SLC14A2: variants seen among roughly 807,000 people sequenced by gnomAD.
SLC14A2 encodes urea transporter 2.
In SLC14A2, 91 loss-of-function variants were observed where a neutral mutation model predicts 104.6. The ratio of observed to expected loss-of-function variants is 0.87; its 90% CI spans 0.73 to 1.04. SLC14A2 has a LOEUF of 1.04. Among genes scored for constraint, SLC14A2 ranks in the 50% least tolerant of loss-of-function variants. The probability of loss-of-function intolerance (pLI) is 0.00; values close to 1 mark genes in which losing one functional copy is unlikely to be tolerated. For missense variants in SLC14A2, 1,189 were observed against 1,156.0 expected, an observed-to-expected ratio of 1.03 and a Z score of -0.41; for synonymous variants, 476 against 466.4, an observed-to-expected ratio of 1.02 and a Z score of -0.27.
intron 2 of SLC14A2, among the ~76,000 whole-genome samples, chr18:45,531,632 T>C (rs1361460695): frequency 2.0e-5 from 3 of 152,224 alleles, no homozygotes; most frequent in African/African-American, 7.2e-5. Flanking sequence ...TGCAAACATT[T>C]TCTCCCATTC....
Position 45,667,240 on chromosome 18 carries a change from G to A in SLC14A2, c.1717+146G>A, listed in dbSNP as rs1226518717. On this transcript the variant is annotated intron_variant, in intron 13 of 19. Transcript: ENST00000255226. ...TACTGTGGTCTTTCCTGGAAGCTGG[G>A]AGTTTTGCTGTTAAAACAGACATAC... is the stretch of plus-strand genomic sequence containing the variant. 9.7e-6 allele frequency: 6 copies of A among 617,640 alleles called. No individual in the cohort carries two copies. In the South Asian group the frequency reaches 9.8e-5, roughly 10 times the overall value. 38.3% of individuals were successfully genotyped at this position (617,640 alleles called of 1,614,324 possible). A position where few individuals can be genotyped will look rare whatever the true frequency, so the allele number is the denominator to read the frequency against.
chr18:45,401,141 T>C (rs1171463418), intron 1 of SLC14A2, among the ~76,000 whole-genome samples: 2 of 152,206 alleles, frequency 1.3e-5, no homozygotes, highest in African/African-American at 4.8e-5. Flanking sequence ...CTGTTAGGTC[T>C]TCATTAAAAT....
At chr18:45,411,138 A>C (rs1436793753) in intron 1 of SLC14A2, among the ~76,000 whole-genome samples, 2 of 152,246 alleles carry the variant, frequency 1.3e-5, no homozygotes, top group African/African-American at 4.8e-5. Context: ...TCACTAATTC[A>C]GTGTTTGCAG....
At chr18:45,220,458 G>T (rs1385607426) in intron 1 of SLC14A2, among the ~76,000 whole-genome samples, 1 of 152,202 alleles carries the variant, frequency 6.6e-6, no homozygotes, top group African/African-American at 2.4e-5. Flanking sequence ...AACAAAAAAT[G>T]TTGGGCAGCC....
the SLC14A2 span, among the ~76,000 whole-genome samples, chr18:45,198,216 A>G: frequency 3.9e-5 from 6 of 152,300 alleles, no homozygotes; most frequent in East Asian, 1.2e-3. Context: ...GTATGCAAGG[A>G]AAAGTTTAAT....
chr18:45,365,673 C>T (rs1486197687), intron 1 of SLC14A2, among the ~76,000 whole-genome samples: 3 of 152,168 alleles, frequency 2.0e-5, no homozygotes, highest in Non-Finnish European at 2.9e-5. Context: ...GTGCTCTTCC[C>T]CTATGTCACT....
intron 2 of SLC14A2, among the ~76,000 whole-genome samples, chr18:45,548,071 C>G (rs978692717): frequency 6.6e-6 from 1 of 152,094 alleles, no homozygotes; most frequent in African/African-American, 2.4e-5. Context: ...TTTCTGATGT[C>G]GGGAAACTCA....
chr18:45,359,316 C>G (rs954699028), intron 1 of SLC14A2, among the ~76,000 whole-genome samples: 1 of 152,048 alleles, frequency 6.6e-6, no homozygotes, highest in Non-Finnish European at 1.5e-5. Flanking sequence ...GGGAAGCAGG[C>G]CCCCCCGTCT....
rs56713447 is a variant in SLC14A2, at chr18:45,504,020, A to G, written c.-35+20698A>G. ...ATTTCTCTCTGATCTTGCTCTTGCT[A>G]TGGCTAAAGTGCACTCACAAGGGTG... On this transcript the variant is annotated intron_variant, in intron 2 of 20. Coordinates refer to the SLC14A2 transcript ENST00000586448. Among the ~76,000 whole-genome samples, 166 of 152,254 alleles carry G rather than the reference A, an allele frequency of 1.1e-3. 3 individuals are homozygous for G. In the East Asian group the frequency reaches 0.03, roughly 27 times the overall value.
chr18:45,625,536 T>C, intron 2 of SLC14A2, 147 bp from the exon 3 acceptor site: 2 of 564,256 alleles, frequency 3.5e-6, no homozygotes, highest in South Asian at 6.0e-5. Context: ...GGGCACTCTA[T>C]GCAGCCGCAG....
intron 2 of SLC14A2, among the ~76,000 whole-genome samples, chr18:45,510,736 A>G (rs1049759513): frequency 1.3e-5 from 2 of 151,334 alleles, no homozygotes; most frequent in Non-Finnish European, 1.5e-5. Context: ...CGTCATTGAG[A>G]GAACTTGTTT....
chr18:45,201,551 A>AGTGTGT, the SLC14A2 span, among the ~76,000 whole-genome samples: 1,053 of 149,602 alleles, frequency 7.0e-3, 2 homozygotes, highest in Middle Eastern at 0.01. Context: ...GTATGTGTGT[A>AGTGTGT]GTGTGTGTGT....
At chr18:45,558,593 G>A (rs1349731656) in intron 2 of SLC14A2, among the ~76,000 whole-genome samples, 3 of 152,198 alleles carry the variant, frequency 2.0e-5, no homozygotes, top group Admixed American at 6.5e-5. Flanking sequence ...AAATAATCAT[G>A]AGTTTTAGTC....
At chr18:45,531,540 T>C (rs2144833150) in intron 2 of SLC14A2, among the ~76,000 whole-genome samples, 1 of 152,360 alleles carries the variant, frequency 6.6e-6, no homozygotes, top group Admixed American at 6.5e-5. Context: ...CACTTTTTGA[T>C]GGGATTGTTT....
intron 2 of SLC14A2, among the ~76,000 whole-genome samples, chr18:45,563,404 AAAAAG>A (rs1423418120): frequency 4.6e-5 from 7 of 152,250 alleles, no homozygotes; most frequent in African/African-American, 7.2e-5. Context: ...CCTCTTGAAG[AAAAAG>A]AAAAGAATTC....
At chr18:45,560,728 T>A (rs989234125) in intron 2 of SLC14A2, among the ~76,000 whole-genome samples, 2 of 152,206 alleles carry the variant, frequency 1.3e-5, no homozygotes, top group Admixed American at 1.3e-4. Context: ...AAAATAAAAT[T>A]CAGCCCCTTC....
chr18:45,468,140 C>T (rs983998231), intron 1 of SLC14A2, among the ~76,000 whole-genome samples: 8 of 152,034 alleles, frequency 5.3e-5, no homozygotes, highest in Admixed American at 2.6e-4. Flanking sequence ...CAGGAAATCC[C>T]GAGCTAAGAA....
chr18:45,532,700 G>T (rs1476023659), intron 2 of SLC14A2, among the ~76,000 whole-genome samples: 1 of 151,918 alleles, frequency 6.6e-6, no homozygotes, highest in Non-Finnish European at 1.5e-5. Flanking sequence ...TCCTTCTCCT[G>T]CCTGATTGCC....
intron 1 of SLC14A2, among the ~76,000 whole-genome samples, chr18:45,336,262 G>A (rs1401305647): frequency 6.6e-6 from 1 of 152,176 alleles, no homozygotes; most frequent in Non-Finnish European, 1.5e-5. Context: ...GAAAACAAAA[G>A]GGTATTTGAA....
Sources: gnomAD v4.1 joint callset for allele counts (sites outside exome capture counted in the v4.1 genomes callset) on GRCh38, gnomAD v4.1.1 for gene constraint, MANE v1.5 for transcripts, NCBI Gene and HGNC (gene_info 2026-07-23, HGNC 2026-07-21) for gene names.